ARHGAP31: variants seen among roughly 807,000 people sequenced by gnomAD.
ARHGAP31 encodes the protein Rho GTPase activating protein 31.
A neutral mutation model predicts 113.9 loss-of-function variants in ARHGAP31; 34 were observed. That is an observed-to-expected ratio of 0.30 (90% confidence interval 0.23 to 0.40). The LOEUF (loss-of-function observed/expected upper bound fraction) is 0.40. Among genes scored for constraint, ARHGAP31 ranks in the 10% least tolerant of loss-of-function variants. ARHGAP31 has a pLI of 1.00. For missense variants in ARHGAP31, 1,548 were observed against 1,767.1 expected, an observed-to-expected ratio of 0.88 and a Z score of 2.22; for synonymous variants, 650 against 684.8, an observed-to-expected ratio of 0.95 and a Z score of 0.79.
At chr3:119,330,447 C>T (rs982819822) in intron 1 of ARHGAP31, among the ~76,000 whole-genome samples, 4 of 152,176 alleles carry the variant, frequency 2.6e-5, no homozygotes, top group African/African-American at 9.7e-5. Context: ...CATTCCTTCG[C>T]TGGGATAAGA....
chr3:119,390,994 C>T lies in ARHGAP31; in HGVS notation c.881+11C>T. On this transcript the variant is annotated intron_variant, in intron 7 of 11. Transcript: ENST00000264245. ...GTTACCAGACAACAAGTAAGTGGCA[C>T]TCTTTTAAAAAATTCTAGGAGATGT... is the stretch of plus-strand genomic sequence containing the variant. 1.2e-6 allele frequency: 2 copies of T among 1,613,648 alleles called. No homozygotes were observed. The highest frequency in any genetic ancestry group is 1.7e-6 in the Non-Finnish European group (2 of 1,179,666).
chr3:119,329,809 A>G (rs1238862408), intron 1 of ARHGAP31: 1 of 985,354 alleles, frequency 1.0e-6, no homozygotes, highest in South Asian at 4.7e-5. Flanking sequence ...TGACTGAACC[A>G]TGAGCGTATT....
intron 3 of ARHGAP31, among the ~76,000 whole-genome samples, chr3:119,377,589 A>C (rs2080360126): frequency 6.6e-6 from 1 of 152,126 alleles, no homozygotes; most frequent in Admixed American, 6.6e-5. Flanking sequence ...GAGACGGAGC[A>C]GGGGAATTTG....
intron 3 of ARHGAP31, among the ~76,000 whole-genome samples, chr3:119,376,441 C>T (rs1030440381): frequency 6.6e-6 from 1 of 152,132 alleles, no homozygotes; most frequent in African/African-American, 2.4e-5. Flanking sequence ...AATTCCCCTG[C>T]TCCGTCTCCC....
chr3:119,368,568 CAAG>C, intron 3 of ARHGAP31, 52 bp downstream of exon 3: 5 of 1,601,680 alleles, frequency 3.1e-6, no homozygotes, highest in Non-Finnish European at 3.4e-6. Context: ...ATGGATGGGC[CAAG>C]AAGAGTTTCA....
chr3:119,406,986 G>C (rs2080668420), intron 10 of ARHGAP31, among the ~76,000 whole-genome samples: 1 of 151,966 alleles, frequency 6.6e-6, no homozygotes. Flanking sequence ...TTCTAAATAA[G>C]CCACCTGCTA....
At chr3:119,334,688 C>G (rs1421477734) in intron 1 of ARHGAP31, among the ~76,000 whole-genome samples, 1 of 152,212 alleles carries the variant, frequency 6.6e-6, no homozygotes. Context: ...ACCTGACTCT[C>G]CCATTGAACA....
intron 1 of ARHGAP31, among the ~76,000 whole-genome samples, chr3:119,324,125 G>C (rs998571869): frequency 2.6e-5 from 4 of 152,334 alleles, no homozygotes; most frequent in South Asian, 2.1e-4. Context: ...ATGCCCATCT[G>C]TATGTAATCC....
intron 11 of ARHGAP31, among the ~76,000 whole-genome samples, chr3:119,410,802 G>A (rs1045329874): frequency 4.6e-5 from 7 of 152,356 alleles, no homozygotes; most frequent in Admixed American, 1.3e-4. Flanking sequence ...TAGTGAACAA[G>A]GCTTTAACCA....
chr3:119,296,090 T>C (rs2079531806), intron 1 of ARHGAP31, among the ~76,000 whole-genome samples: 1 of 152,184 alleles, frequency 6.6e-6, no homozygotes, highest in African/African-American at 2.4e-5. Context: ...TCCAGGAAAA[T>C]AATCTCAAAA....
intron 1 of ARHGAP31, among the ~76,000 whole-genome samples, chr3:119,327,341 C>T (rs544994020): frequency 6.6e-6 from 1 of 151,656 alleles, no homozygotes; most frequent in South Asian, 2.1e-4. Context: ...TCAGGGAGTT[C>T]GAGATCAGCC....
In ARHGAP31 at chr3:119,295,140, CT is replaced by C. The variant is rs10707359; in HGVS notation, c.100+148del. On this transcript the variant is annotated intron_variant, in intron 1 of 11. Transcript: ENST00000264245. ...CTGTGCGCTCATTGCACTTTTTTTT[CT>C]TTTTTTTTTTTAAAGAACATAAACG... 163,070 of 542,454 alleles carry C rather than the reference CT, an allele frequency of 0.3. 10,512 individuals are homozygous for C. The highest frequency in any genetic ancestry group is 0.53 in the African/African-American group (26,223 of 49,826). 33.6% of individuals were successfully genotyped at this position (542,454 alleles called of 1,614,324 possible).
intron 1 of ARHGAP31, among the ~76,000 whole-genome samples, chr3:119,297,074 T>C (rs2079539077): frequency 6.6e-6 from 1 of 152,150 alleles, no homozygotes; most frequent in African/African-American, 2.4e-5. Flanking sequence ...ACTGACCCAC[T>C]TAATGATCCA....
intron 1 of ARHGAP31, among the ~76,000 whole-genome samples, chr3:119,313,417 C>T (rs896232293): frequency 6.6e-6 from 1 of 152,194 alleles, no homozygotes; most frequent in Non-Finnish European, 1.5e-5. Context: ...ATATTGATCA[C>T]TTATCTATTG....
Position 119,418,836 on chromosome 3 carries a change from G to A in ARHGAP31, c.*2572G>A, listed in dbSNP as rs1229194090. 6.6e-6 allele frequency: 1 copy of A among 152,186 alleles called. No individual in the cohort carries two copies. The highest frequency in any genetic ancestry group is 2.4e-5 in the African/African-American group (1 of 41,420). 9.4% of individuals were successfully genotyped at this position (152,186 alleles called of 1,614,324 possible). ...TAGTCAAGTCCAAAAGGCCTTAGAA[G>A]CTGACTCACCTTCTCAGCCAGAGTC... On this transcript the variant is annotated 3_prime_UTR_variant, in exon 12 of 12. Transcript: ENST00000264245.
Position 119,414,117 on chromosome 3 carries a change from G to T in ARHGAP31, c.2188G>T (p.Ala730Ser). The change falls in exon 12 of 12, where the codon GCT becomes TCT. Residue 730 changes from alanine to serine, a missense_variant. Ala to Ser is a moderately conservative substitution (Grantham distance 99, BLOSUM62 1). Coordinates refer to ENST00000264245, the MANE Select transcript of ARHGAP31 (RefSeq NM_020754.4). ...RDPANQSTQG[A>S]STAASREKPE... ...TCCAGCCAATCAGAGCACACAGGGG[G>T]CTTCCACAGCAGCCAGCAGAGAGAA... is the stretch of plus-strand genomic sequence containing the variant. 4 of 1,614,210 alleles carry T rather than the reference G, an allele frequency of 2.5e-6. No homozygotes were observed. Among genetic ancestry groups the T allele is most frequent in the Non-Finnish European group, 3.4e-6 (4 of 1,180,036 alleles).
intron 1 of ARHGAP31, among the ~76,000 whole-genome samples, chr3:119,345,746 C>T (rs1466440024): frequency 1.3e-5 from 2 of 152,126 alleles, no homozygotes; most frequent in African/African-American, 2.4e-5. Context: ...TGGACAGGGA[C>T]CCCTTTCTCT....
chr3:119,370,921 T>C (rs1442586216), intron 3 of ARHGAP31, among the ~76,000 whole-genome samples: 7 of 152,190 alleles, frequency 4.6e-5, no homozygotes, highest in Admixed American at 3.3e-4. Context: ...TTGTCACAAA[T>C]TACCAGTCTG....
intron 1 of ARHGAP31, among the ~76,000 whole-genome samples, chr3:119,362,579 C>A (rs944045122): frequency 1.3e-5 from 2 of 151,818 alleles, no homozygotes; most frequent in Admixed American, 1.3e-4. Flanking sequence ...ACTAGCCTGG[C>A]GAACATAGTG....
Sources: allele counts gnomAD v4.1 joint callset (sites outside exome capture counted in the v4.1 genomes callset), GRCh38; gene constraint gnomAD v4.1.1; transcripts MANE v1.5; gene names NCBI Gene and HGNC (gene_info 2026-07-23, HGNC 2026-07-21).